The following ARV1 variants were observed in gnomAD, a reference collection of about 807,000 sequenced individuals.
The protein encoded by ARV1 is ARV1 fatty acid homeostasis modulator.
A neutral mutation model predicts 31.1 loss-of-function variants in ARV1; 26 were observed. The ratio of observed to expected loss-of-function variants is 0.84; its 90% CI spans 0.61 to 1.16. The LOEUF (loss-of-function observed/expected upper bound fraction) is 1.16. Among genes scored for constraint, ARV1 ranks in the 50% most tolerant of loss-of-function variants. ARV1 has a pLI of 0.00. For synonymous variants in ARV1, 117 were observed against 123.2 expected, an observed-to-expected ratio of 0.95 and a Z score of 0.34; for missense variants, 281 against 324.9, an observed-to-expected ratio of 0.86 and a Z score of 1.04.
rs565176272 is a variant in ARV1, at chr1:230,980,031, A to G, written c.174+752A>G. ...TTTTTGTCCCATTTCAGATCTTGTG[A>G]TTTTCTAATCTCTTTAGTAAATTAT... On this transcript the variant is annotated intron_variant, in intron 1 of 5. Transcript: ENST00000310256. Among the ~76,000 whole-genome samples the G allele has an allele frequency of 6.6e-5, 10 of 152,270 alleles. No individual in the cohort carries two copies. In the South Asian group the frequency reaches 2.1e-3, roughly 32 times the overall value.
chr1:230,995,554 G>C (rs1465351965), intron 3 of ARV1, among the ~76,000 whole-genome samples: 1 of 147,794 alleles, frequency 6.8e-6, no homozygotes, highest in Non-Finnish European at 1.5e-5. Flanking sequence ...ATACCAGCAG[G>C]ATCTAATACA....
chr1:230,999,284 G>A (rs1001288984), intron 5 of ARV1, among the ~76,000 whole-genome samples: 3 of 152,046 alleles, frequency 2.0e-5, no homozygotes, highest in African/African-American at 4.8e-5. Context: ...TTCTGATAAC[G>A]TTTCTCTTGA....
At chr1:230,980,295 G>A (rs1254470792) in intron 1 of ARV1, among the ~76,000 whole-genome samples, 1 of 151,818 alleles carries the variant, frequency 6.6e-6, no homozygotes, top group Non-Finnish European at 1.5e-5. Flanking sequence ...CCTCATATAG[G>A]CCTTTCATGA....
At chr1:230,992,015 A>G (rs974477478) in intron 3 of ARV1, among the ~76,000 whole-genome samples, 42 of 152,256 alleles carry the variant, frequency 2.8e-4, no homozygotes, top group African/African-American at 9.6e-4. Context: ...CACCTGCATG[A>G]CTACAGTAGC....
At chr1:230,995,294 CAT>C (rs1558246017) in intron 3 of ARV1, among the ~76,000 whole-genome samples, 1 of 152,110 alleles carries the variant, frequency 6.6e-6, no homozygotes, top group Non-Finnish European at 1.5e-5. Context: ...ATTAAAAAAT[CAT>C]GTGGATAATA....
chr1:230,979,207 C>A lies in ARV1; in HGVS notation c.102C>A (p.Cys34Ter), dbSNP rs1329295924. ...CCTCGGCCTCCTGCCAGTACAGGTGCATCGAATGCAACCAGGAGGCCAAAG... is the reference window on the plus strand; with the variant it reads ...CCTCGGCCTCCTGCCAGTACAGGTGAATCGAATGCAACCAGGAGGCCAAAG... ...TAASASCQYR[C>*]IECNQEAKEL... Residue 34 changes from cysteine (C) to a stop codon, truncating the protein, a stop_gained, in exon 1 of 6, where the codon TGC becomes TGA. Coordinates refer to ENST00000310256, the MANE Select transcript of ARV1 (RefSeq NM_022786.3). LOFTEE classifies it high-confidence loss of function. 2 of 1,613,540 alleles carry A rather than the reference C, an allele frequency of 1.2e-6. No individual in the cohort carries two copies. The highest frequency in any genetic ancestry group is 1.7e-6 in the Non-Finnish European group (2 of 1,179,752).
chr1:230,990,395 G>C (rs571908483), intron 3 of ARV1, 132 bp downstream of exon 3: 1 of 1,195,752 alleles, frequency 8.4e-7, no homozygotes, highest in East Asian at 2.4e-5. Flanking sequence ...GAAATTTTCA[G>C]CTCTACCACT....
At chr1:230,998,663 T>C (rs1478389384) in intron 5 of ARV1, among the ~76,000 whole-genome samples, 1 of 151,716 alleles carries the variant, frequency 6.6e-6, no homozygotes, top group Non-Finnish European at 1.5e-5. Context: ...CCCAGCACTT[T>C]GGGAGGCCGA....
chr1:230,995,690 T>C, intron 3 of ARV1, 70 bp from the exon 4 acceptor site: 1 of 1,166,460 alleles, frequency 8.6e-7, no homozygotes, highest in African/African-American at 1.5e-5. Flanking sequence ...AGAATGGTGG[T>C]TTATTTGTTT....
At chr1:230,997,532 A>G (rs1405677331) in intron 5 of ARV1, among the ~76,000 whole-genome samples, 1 of 150,332 alleles carries the variant, frequency 6.7e-6, no homozygotes, top group African/African-American at 2.5e-5. Flanking sequence ...TAACACCTCC[A>G]CTCCCACCCA....
chr1:230,985,352 G>GT (rs1679036173), intron 1 of ARV1, among the ~76,000 whole-genome samples: 1 of 152,180 alleles, frequency 6.6e-6, no homozygotes, highest in Non-Finnish European at 1.5e-5. Flanking sequence ...CTGTGGTCAT[G>GT]AGACCATATC....
intron 1 of ARV1, among the ~76,000 whole-genome samples, chr1:230,984,893 T>A (rs929279166): frequency 1.3e-5 from 2 of 152,202 alleles, no homozygotes; most frequent in African/African-American, 2.4e-5. Flanking sequence ...CTTCATACAT[T>A]GTTGGTGTTA....
chr1:230,991,393 C>T (rs1679222234), intron 3 of ARV1, among the ~76,000 whole-genome samples: 2 of 152,272 alleles, frequency 1.3e-5, no homozygotes, highest in South Asian at 4.1e-4. Context: ...GACCTCCAGA[C>T]TCTGCATCCC....
chr1:230,993,260 T>A (rs969706952), intron 3 of ARV1, among the ~76,000 whole-genome samples: 22 of 148,806 alleles, frequency 1.5e-4, no homozygotes, highest in African/African-American at 4.4e-4. Context: ...CTGGCTAATT[T>A]AAAAAAAAAA....
chr1:230,995,609 AAAG>A lies in ARV1; in HGVS notation c.449-142_449-140del, dbSNP rs1379096491. ...AAAAAAAAAAACAACACACAAACAAAAAGAAGAAGAAAAAGAGATTGTGATCTT... is the reference window on the plus strand; with the variant it reads ...AAAAAAAAAAACAACACACAAACAAAAAGAAGAAAAAGAGATTGTGATCTT... On this transcript the variant is annotated intron_variant, in intron 3 of 5. Coordinates refer to ENST00000310256, the MANE Select transcript of ARV1 (RefSeq NM_022786.3). The A allele has an allele frequency of 3.4e-5, 22 of 640,924 alleles. 1 individual carries two copies. Among genetic ancestry groups the A allele is most frequent in the African/African-American group, 5.6e-5 (3 of 53,700 alleles). The allele number at this position is 640,924 out of a possible 1,614,324, so 39.7% of individuals were successfully genotyped here. A position where few individuals can be genotyped will look rare whatever the true frequency, so the allele number is the denominator to read the frequency against.
At chr1:230,987,708 C>T (rs1379540999) in intron 1 of ARV1, among the ~76,000 whole-genome samples, 1 of 152,216 alleles carries the variant, frequency 6.6e-6, no homozygotes, top group Non-Finnish European at 1.5e-5. Flanking sequence ...TCTACTCTAG[C>T]AGAGAAAGAC....
intron 1 of ARV1, among the ~76,000 whole-genome samples, chr1:230,983,154 C>G (rs936238138): frequency 1.3e-5 from 2 of 152,100 alleles, no homozygotes; most frequent in African/African-American, 4.8e-5. Flanking sequence ...GTGGCTCATG[C>G]CTGTAATCCC....
At chr1:230,986,144 G>A (rs138360319) in intron 1 of ARV1, among the ~76,000 whole-genome samples, 4 of 151,862 alleles carry the variant, frequency 2.6e-5, no homozygotes, top group Admixed American at 6.6e-5. Context: ...GGATGGTCTC[G>A]ATTTCCTGAC....
In ARV1 at chr1:231,000,616, C is replaced by T. The variant is rs878997376; in HGVS notation, c.*483C>T. 6.6e-6 allele frequency: 1 copy of T among 152,046 alleles called. No homozygotes were observed. Among genetic ancestry groups the T allele is most frequent in the Non-Finnish European group, 1.5e-5 (1 of 68,012 alleles). The allele number at this position is 152,046 out of a possible 1,614,324, so 9.4% of individuals were successfully genotyped here. On this transcript the variant is annotated 3_prime_UTR_variant, in exon 6 of 6. Coordinates refer to ENST00000310256, the MANE Select transcript of ARV1 (RefSeq NM_022786.3). Reference sequence around the variant, plus strand: ...ACCAAGTTTTTGTAAATTTTCAATTCAATAATTAAGGTAATCTTTAAAATT... The same window carrying T: ...ACCAAGTTTTTGTAAATTTTCAATTTAATAATTAAGGTAATCTTTAAAATT...
Sources: gnomAD v4.1 joint callset for allele counts (sites outside exome capture counted in the v4.1 genomes callset) on GRCh38, gnomAD v4.1.1 for gene constraint, MANE v1.5 for transcripts, NCBI Gene and HGNC (gene_info 2026-07-23, HGNC 2026-07-21) for gene names.